Variants in CCDC50 observed in about 807,000 individuals in gnomAD.
CCDC50 encodes the protein coiled-coil domain-containing protein 50.
CCDC50 carries 54 observed loss-of-function variants against 70.2 expected under a neutral mutation model. The ratio of observed to expected loss-of-function variants is 0.77; its 90% CI spans 0.62 to 0.96. CCDC50 has a LOEUF of 0.96. Among genes scored for constraint, CCDC50 ranks in the 50% least tolerant of loss-of-function variants. The probability of loss-of-function intolerance (pLI) is 0.00; values close to 1 mark genes in which losing one functional copy is unlikely to be tolerated. For synonymous variants in CCDC50, 216 were observed against 198.8 expected (o/e 1.09, Z -0.73); for missense variants, 558 against 578.7 (o/e 0.96, Z 0.37).
At chr3:191,369,727 C>A (rs1560166040) in intron 4 of CCDC50, among the ~76,000 whole-genome samples, 192 bp from the exon 5 acceptor site, 1 of 152,122 alleles carries the variant, frequency 6.6e-6, no homozygotes, top group African/African-American at 2.4e-5. Flanking sequence ...AAGCCTGTCT[C>A]ACTTATCTAG....
At position 191,396,155 on chromosome 3, in the gene CCDC50, C is replaced by T. The variant is rs1422457801; in HGVS notation, c.*4395C>T. ...AGAGTAAACTGAGAAAATCTTACTA[C>T]TACAGAGTCACTTTTACAATGAGAC... is the stretch of plus-strand genomic sequence containing the variant. On this transcript the variant is annotated 3_prime_UTR_variant, in exon 12 of 12. Coordinates refer to ENST00000392455, the MANE Select transcript of CCDC50 (RefSeq NM_178335.3). 3 of 152,164 alleles carry T rather than the reference C, an allele frequency of 2.0e-5. No individual in the cohort carries two copies. Among genetic ancestry groups the T allele is most frequent in the African/African-American group, 7.2e-5 (3 of 41,452 alleles). The allele number at this position is 152,164 out of a possible 1,614,324, so 9.4% of individuals were successfully genotyped here.
chr3:191,364,601 T>A (rs73185218), intron 4 of CCDC50, among the ~76,000 whole-genome samples: 13,881 of 149,902 alleles, frequency 0.093, 692 homozygotes, highest in East Asian at 0.24. Flanking sequence ...TTTTTTTTTT[T>A]AATTTTTTCT....
chr3:191,370,545 A>G (rs562223617), intron 5 of CCDC50, among the ~76,000 whole-genome samples: 14 of 150,242 alleles, frequency 9.3e-5, no homozygotes, highest in Middle Eastern at 3.5e-3. Flanking sequence ...CTGGAGTGCA[A>G]TGGTGCTATC....
Position 191,382,782 on chromosome 3 carries a change from G to A in CCDC50, c.1279G>A (p.Glu427Lys), listed in dbSNP as rs759491598. The A allele has an allele frequency of 3.4e-5, 55 of 1,613,028 alleles. No homozygotes were observed. The highest frequency in any genetic ancestry group is 4.7e-5 in the Non-Finnish European group (55 of 1,179,304). ...TAKAANSKSK[E>K]SDEPHHSKNE... Reference sequence around the variant, plus strand: ...TAAAGCAGCAAATTCCAAGTCAAAAGAGAGTGATGAACCTCACCATTCTAA... The same window carrying A: ...TAAAGCAGCAAATTCCAAGTCAAAAAAGAGTGATGAACCTCACCATTCTAA... The change falls in exon 10 of 12, where the codon GAG (glutamate) becomes AAG (lysine). Residue 427 changes from glutamate to lysine, a missense_variant. Physicochemically the swap from Glu to Lys is moderately conservative, Grantham distance 56. Coordinates refer to ENST00000392455, the MANE Select transcript of CCDC50 (RefSeq NM_178335.3).
intron 1 of CCDC50, among the ~76,000 whole-genome samples, chr3:191,355,976 C>T (rs1712265888): frequency 6.6e-6 from 1 of 152,134 alleles, no homozygotes; most frequent in Non-Finnish European, 1.5e-5. Context: ...CAAAGAACGG[C>T]AAAGGAACGT....
chr3:191,391,385 G>A (rs778486392), intron 11 of CCDC50, among the ~76,000 whole-genome samples: 13 of 152,024 alleles, frequency 8.6e-5, no homozygotes, highest in South Asian at 2.1e-4. Context: ...AAGACAAAAG[G>A]CATTATTTTA....
intron 1 of CCDC50, 99 bp downstream of exon 1, chr3:191,329,822 G>T (rs1179571936): frequency 3.2e-6 from 4 of 1,238,884 alleles, no homozygotes; most frequent in Non-Finnish European, 4.6e-6. Context: ...CGCGGCCCTC[G>T]CCCGGTGCCC....
intron 1 of CCDC50, among the ~76,000 whole-genome samples, chr3:191,355,908 T>C (rs1712262724): frequency 1.3e-5 from 2 of 152,186 alleles, no homozygotes; most frequent in Admixed American, 6.5e-5. Context: ...TGTGGCATTA[T>C]CCCTCAGTCG....
chr3:191,387,318 TG>T (rs1353069045), intron 10 of CCDC50, among the ~76,000 whole-genome samples: 2 of 152,188 alleles, frequency 1.3e-5, no homozygotes, highest in African/African-American at 4.8e-5. Context: ...GGTGTTTGGC[TG>T]TATCACTAAA....
chr3:191,382,964 AG>A lies in CCDC50; in HGVS notation c.1322+142del, dbSNP rs1713371677. ...TTTGTAAGGTAGTGTCAAGACATTC[AG>A]GGTTATTTTTAGAACTTTATTTCCA... On this transcript the variant is annotated intron_variant, in intron 10 of 11. Transcript: ENST00000392455. 3 of 643,972 alleles carry A rather than the reference AG, an allele frequency of 4.7e-6. No homozygotes were observed. The South Asian group carries it at 5.6e-5, about 12-fold the overall frequency. The allele number at this position is 643,972 out of a possible 1,614,324, so 39.9% of individuals were successfully genotyped here. A position where few individuals can be genotyped will look rare whatever the true frequency, so the allele number is the denominator to read the frequency against.
intron 1 of CCDC50, 88 bp downstream of exon 1, chr3:191,329,811 C>CCGCGGCCCT: frequency 1.4e-6 from 2 of 1,408,006 alleles, no homozygotes; most frequent in Non-Finnish European, 2.0e-6. Context: ...ATTTCGGCTC[C>CCGCGGCCCT]CGCGGCCCTC....
At chr3:191,334,178 TA>T (rs916948943) in intron 1 of CCDC50, among the ~76,000 whole-genome samples, 7 of 151,636 alleles carry the variant, frequency 4.6e-5, no homozygotes, top group Non-Finnish European at 5.9e-5. Context: ...ATTTCCACAA[TA>T]AAAAAAAATT....
intron 11 of CCDC50, among the ~76,000 whole-genome samples, chr3:191,390,895 G>A (rs751485640): frequency 1.4e-4 from 21 of 152,262 alleles, no homozygotes; most frequent in Non-Finnish European, 1.9e-4. Flanking sequence ...TGGTTCAAAC[G>A]CCTCTGACAG....
At chr3:191,344,484 A>G (rs1039193539) in intron 1 of CCDC50, among the ~76,000 whole-genome samples, 1 of 152,254 alleles carries the variant, frequency 6.6e-6, no homozygotes, top group Non-Finnish European at 1.5e-5. Flanking sequence ...ATATAGTGTG[A>G]AACAATTATT....
Position 191,382,806 on chromosome 3 carries a change from A to G in CCDC50, c.1303A>G (p.Lys435Glu). Residue 435 changes from lysine to glutamate, a missense_variant, in exon 10 of 12, where the codon AAG (lysine) becomes GAG (glutamate). Coordinates refer to ENST00000392455, the MANE Select transcript of CCDC50 (RefSeq NM_178335.3). Reference sequence around the variant, plus strand: ...AGAGAGTGATGAACCTCACCATTCTAAGAATGAAAGGCCAGCACGGTAAGC... The same window carrying G: ...AGAGAGTGATGAACCTCACCATTCTGAGAATGAAAGGCCAGCACGGTAAGC... ...SKESDEPHHS[K>E]NERPARPPPP... The G allele has an allele frequency of 1.2e-6, 2 of 1,612,624 alleles. No homozygotes were observed. The highest frequency in any genetic ancestry group is 2.2e-5 in the South Asian group (2 of 91,058).
chr3:191,339,200 A>G (rs1711626242), intron 1 of CCDC50, among the ~76,000 whole-genome samples: 1 of 152,180 alleles, frequency 6.6e-6, no homozygotes, highest in Non-Finnish European at 1.5e-5. Flanking sequence ...GAGCAAAAGA[A>G]TGAGCTGAAG....
intron 4 of CCDC50, among the ~76,000 whole-genome samples, chr3:191,369,539 T>C (rs919265552): frequency 6.6e-6 from 1 of 152,188 alleles, no homozygotes; most frequent in African/African-American, 2.4e-5. Context: ...TCAAAAGTTT[T>C]TAAATTATAA....
rs1301700041 is a variant in CCDC50, at chr3:191,394,628, C to T, written c.*2868C>T. 6.6e-6 allele frequency: 1 copy of T among 152,136 alleles called. No homozygotes were observed. Among genetic ancestry groups the T allele is most frequent in the African/African-American group, 2.4e-5 (1 of 41,430 alleles). 9.4% of individuals were successfully genotyped at this position (152,136 alleles called of 1,614,324 possible). A position where few individuals can be genotyped will look rare whatever the true frequency, so the allele number is the denominator to read the frequency against. On this transcript the variant is annotated 3_prime_UTR_variant, in exon 12 of 12. Coordinates refer to ENST00000392455, the MANE Select transcript of CCDC50 (RefSeq NM_178335.3). ...TCTTTGTCCTTTGGAGGCCAGGCCT[C>T]ATTAACACCAGTATTGTTGAATAAG...
At position 191,332,762 on chromosome 3, in the gene CCDC50, C is replaced by G. The variant is rs184654352; in HGVS notation, c.49+3039C>G. Among the ~76,000 whole-genome samples the G allele has an allele frequency of 2.5e-3, 375 of 152,294 alleles. 1 individual carries two copies. Among genetic ancestry groups the G allele is most frequent in the Non-Finnish European group, 3.1e-3 (214 of 68,010 alleles). On this transcript the variant is annotated intron_variant, in intron 1 of 11. Transcript: ENST00000392455. ...AGCTTCTTCATTGAATTTTTCTTTT[C>G]TGAACCAGCAATCAAGACTCCCTAC...
Sources: allele counts gnomAD v4.1 joint callset (sites outside exome capture counted in the v4.1 genomes callset), GRCh38; gene constraint gnomAD v4.1.1; transcripts MANE v1.5; gene names NCBI Gene and HGNC (gene_info 2026-07-23, HGNC 2026-07-21).